Variants in PCNX1 observed in about 807,000 individuals in gnomAD.
The protein encoded by PCNX1 is pecanex-like protein 1.
Under a neutral mutation model 242.2 loss-of-function variants are expected in PCNX1, and 78 were observed. That is an observed-to-expected ratio of 0.32 (90% CI 0.27 to 0.39). PCNX1 has a LOEUF of 0.39. PCNX1 is among the 10% of genes least tolerant of loss of function. The pLI, the probability that PCNX1 is intolerant of heterozygous loss-of-function variation, is 1.00. For missense variants in PCNX1, 2,581 were observed against 2,856.5 expected (o/e 0.90, Z 2.20); for synonymous variants, 1,024 against 1,032.9 (o/e 0.99, Z 0.17).
At chr14:71,008,618 T>G (rs1164378187) in intron 8 of PCNX1, among the ~76,000 whole-genome samples, 1 of 127,504 alleles carries the variant, frequency 7.8e-6, no homozygotes, top group Non-Finnish European at 1.5e-5. Flanking sequence ...ATTGCGCCAC[T>G]GCACTCCAGC....
intron 2 of PCNX1, among the ~76,000 whole-genome samples, chr14:70,961,003 A>G (rs1261242609): frequency 1.3e-5 from 2 of 152,192 alleles, no homozygotes; most frequent in South Asian, 2.1e-4. Context: ...CCACTGCTCA[A>G]TGAAATAAAA....
intron 1 of PCNX1, among the ~76,000 whole-genome samples, chr14:70,942,700 C>A (rs1175325874): frequency 7.9e-5 from 12 of 152,212 alleles, no homozygotes; most frequent in Admixed American, 7.9e-4. Flanking sequence ...CCTCCAGAAA[C>A]CTCCATGTGT....
intron 1 of PCNX1, among the ~76,000 whole-genome samples, chr14:70,945,006 C>T (rs1319532290): frequency 6.6e-6 from 1 of 152,150 alleles, no homozygotes; most frequent in Non-Finnish European, 1.5e-5. Context: ...GGTATTTCTT[C>T]ATAGCAGCAT....
chr14:71,078,969 T>A (rs1487142766), intron 28 of PCNX1, among the ~76,000 whole-genome samples: 1 of 152,148 alleles, frequency 6.6e-6, no homozygotes, highest in Non-Finnish European at 1.5e-5. Context: ...TCATCTACAT[T>A]AGGTATTTCT....
chr14:70,999,370 T>C (rs576098285), intron 8 of PCNX1, among the ~76,000 whole-genome samples: 1 of 152,256 alleles, frequency 6.6e-6, no homozygotes, highest in South Asian at 2.1e-4. Context: ...GTGGTTGGGG[T>C]GAGGAAATGC....
chr14:71,026,398 A>AT, intron 14 of PCNX1, 110 bp downstream of exon 14: 1 of 659,910 alleles, frequency 1.5e-6, no homozygotes, highest in Non-Finnish European at 2.4e-6. Flanking sequence ...AGCTTATTTT[A>AT]CTGTTATTAT....
At chr14:71,068,241 G>A (rs978059895) in intron 26 of PCNX1, among the ~76,000 whole-genome samples, 2 of 151,996 alleles carry the variant, frequency 1.3e-5, no homozygotes, top group African/African-American at 4.8e-5. Context: ...TGAGGCAGGA[G>A]AATCGCTTGA....
intron 19 of PCNX1, among the ~76,000 whole-genome samples, chr14:71,036,801 A>C (rs866328258): frequency 1.7e-4 from 26 of 152,302 alleles, no homozygotes; most frequent in Middle Eastern, 3.4e-3. Context: ...TTTTTTAATC[A>C]ACAAATACTT....
At chr14:71,005,258 G>A (rs1367983711) in intron 8 of PCNX1, among the ~76,000 whole-genome samples, 4 of 152,072 alleles carry the variant, frequency 2.6e-5, no homozygotes, top group East Asian at 3.9e-4. Flanking sequence ...ATTCCAGCAC[G>A]TTGGGAGGCT....
chr14:70,946,640 TA>T (rs1179919375), intron 1 of PCNX1, among the ~76,000 whole-genome samples: 22 of 152,376 alleles, frequency 1.4e-4, no homozygotes, highest in African/African-American at 4.8e-4. Flanking sequence ...AAAATTGAGA[TA>T]TTTTACATTT....
chr14:71,059,071 T>A (rs1369470120), intron 26 of PCNX1, among the ~76,000 whole-genome samples: 1 of 137,200 alleles, frequency 7.3e-6, no homozygotes, highest in African/African-American at 2.7e-5. Flanking sequence ...TTTTAATTTT[T>A]TAAAATAAAT....
intron 16 of PCNX1, among the ~76,000 whole-genome samples, chr14:71,031,051 A>G (rs761067150): frequency 5.3e-5 from 8 of 152,228 alleles, no homozygotes; most frequent in Non-Finnish European, 1.0e-4. Flanking sequence ...TTCACCAAGT[A>G]TACAAGACTT....
chr14:71,026,780 C>T lies in PCNX1; in HGVS notation c.3364C>T (p.Leu1122Phe). Reference sequence around the variant, plus strand: ...TTTCTTTCTTTTTATAGTGTTTACACTCTGTTTCCCAATAGTGTTTTTCAT... The same window carrying T: ...TTTCTTTCTTTTTATAGTGTTTACATTCTGTTTCCCAATAGTGTTTTTCAT... ...SARDLVIVFT[L>F]CFPIVFFIGL... Residue 1122 changes from leucine to phenylalanine, a missense_variant, in exon 15 of 36, where the codon CTC becomes TTC. Leu to Phe is a conservative substitution (Grantham distance 22). Around this residue, in one of 9 missense-constraint regions of PCNX1, gnomAD observed 432 missense variants for 443.1 expected, o/e 0.97. Transcript: ENST00000304743. 2 of 1,441,834 alleles carry T rather than the reference C, an allele frequency of 1.4e-6. No individual in the cohort carries two copies. Among genetic ancestry groups the T allele is most frequent in the South Asian group, 1.2e-5 (1 of 86,120 alleles). 89.3% of individuals were successfully genotyped at this position (1,441,834 alleles called of 1,614,324 possible).
chr14:70,942,897 T>A (rs2526862), intron 1 of PCNX1: 1 of 152,080 alleles, frequency 6.6e-6, no homozygotes, highest in Non-Finnish European at 1.5e-5. Flanking sequence ...AACTGAATCA[T>A]GGGGGTGGTT....
chr14:70,937,136 A>G (rs1376725866), intron 1 of PCNX1, among the ~76,000 whole-genome samples: 1 of 152,164 alleles, frequency 6.6e-6, no homozygotes, highest in Non-Finnish European at 1.5e-5. Context: ...TCTTTAGTTT[A>G]ATTAGATCCC....
chr14:70,946,932 G>A lies in PCNX1; in HGVS notation c.171G>A (p.Met57Ile), dbSNP rs749934980. The part of the protein sequence containing the change: ...FTLYMALPST[M>I]IIVAVYCPVI... ...TCTTAAAGGCCCTTCCTTCTACCAT[G>A]ATTATAGTAGCAGTTTATTGTCCTG... Residue 57 changes from methionine (M) to isoleucine (I), a missense_variant, in exon 2 of 36, where the codon ATG becomes ATA. By Grantham distance (10) the Met-to-Ile change is conservative. Coordinates refer to ENST00000304743, the MANE Select transcript of PCNX1 (RefSeq NM_014982.3). 6.2e-7 allele frequency: 1 copy of A among 1,608,966 alleles called. No individual in the cohort carries two copies. The highest frequency in any genetic ancestry group is 2.2e-5 in the East Asian group (1 of 44,840).
intron 1 of PCNX1, among the ~76,000 whole-genome samples, chr14:70,940,082 C>T (rs2057172749): frequency 6.6e-6 from 1 of 152,130 alleles, no homozygotes; most frequent in Admixed American, 6.5e-5. Context: ...ACTCTTTATC[C>T]AATTTGCCAG....
rs371263555 is a variant in PCNX1 at position 71,033,424 on chromosome 14, C to T, written c.3559-5C>T. ...TATTATTCTGTTAAATTCATTTTTC[C>T]GCAGGATTCTTGGGATGGCCAGCAT... On this transcript the variant is annotated splice_polypyrimidine_tract_variant and splice_region_variant and intron_variant, in intron 16 of 35. Coordinates refer to ENST00000304743, the MANE Select transcript of PCNX1 (RefSeq NM_014982.3). 17 of 1,467,466 alleles carry T rather than the reference C, an allele frequency of 1.2e-5. No homozygotes were observed. The highest frequency in any genetic ancestry group is 1.4e-5 in the Non-Finnish European group (15 of 1,050,794). 90.9% of individuals were successfully genotyped at this position (1,467,466 alleles called of 1,614,324 possible).
chr14:71,023,130 C>T, intron 12 of PCNX1, 70 bp from the exon 13 acceptor site: 1 of 1,070,954 alleles, frequency 9.3e-7, no homozygotes, highest in Non-Finnish European at 1.5e-6. Context: ...TCATTTCAGG[C>T]ATTTTGAAAG....
Sources: allele counts gnomAD v4.1 joint callset (sites outside exome capture counted in the v4.1 genomes callset), GRCh38; gene constraint gnomAD v4.1.1; regional missense constraint gnomAD v4.1.1; transcripts MANE v1.5; gene names NCBI Gene and HGNC (gene_info 2026-07-23, HGNC 2026-07-21).